Variants in CDC14A observed in about 807,000 individuals in gnomAD.
The protein encoded by CDC14A is cell division cycle 14A, also known as dual specificity protein phosphatase CDC14A.
Under a neutral mutation model 74.4 loss-of-function variants are expected in CDC14A, and 53 were observed. The observed-to-expected ratio is 0.71, with a 90% CI of 0.57 to 0.89. CDC14A has a LOEUF of 0.89. Ranked by LOEUF, CDC14A falls within the 40% of genes least tolerant of loss-of-function variation. The pLI is 0.00. For missense variants in CDC14A, 646 were observed against 713.7 expected (o/e 0.91, Z 1.08); for synonymous variants, 247 against 258.4 (o/e 0.96, Z 0.43).
chr1:100,423,975 T>C, intron 4 of CDC14A: 1 of 428,854 alleles, frequency 2.3e-6, no homozygotes. Flanking sequence ...TGTGCCTTTG[T>C]AAAGAGCCTG....
chr1:100,499,114 A>G lies in CDC14A; in HGVS notation c.1607A>G (p.Tyr536Cys). 6 of 1,614,190 alleles carry G rather than the reference A, an allele frequency of 3.7e-6. No homozygotes were observed. Among genetic ancestry groups the G allele is most frequent in the Non-Finnish European group, 4.2e-6 (5 of 1,180,016 alleles). The change falls in exon 15 of 16, where the codon TAC (tyrosine) becomes TGC (cysteine). Residue 536 changes from tyrosine to cysteine, a missense_variant. By Grantham distance (194) the Tyr-to-Cys change is radical (BLOSUM62 -2). Transcript: ENST00000336454. ...TACCCTGAGCTCAACAATAATCAGTACAACAGAAGCAGCAACAGCAACGGG... is the reference window on the plus strand; with the variant it reads ...TACCCTGAGCTCAACAATAATCAGTGCAACAGAAGCAGCAACAGCAACGGG... The part of the protein sequence containing the change: ...RNYPELNNNQ[Y>C]NRSSNSNGGN...
chr1:100,447,879 A>G (rs1253971185), intron 7 of CDC14A, among the ~76,000 whole-genome samples: 5 of 152,192 alleles, frequency 3.3e-5, no homozygotes, highest in Admixed American at 1.3e-4. Flanking sequence ...AACACCAGTG[A>G]TCATTCATGA....
At chr1:100,364,447 C>T (rs542351311) in intron 2 of CDC14A, among the ~76,000 whole-genome samples, 2 of 151,982 alleles carry the variant, frequency 1.3e-5, no homozygotes, top group East Asian at 1.9e-4. Context: ...CTCTTGACCT[C>T]GTGATCCGCC....
chr1:100,403,213 C>T (rs905878173), intron 4 of CDC14A, among the ~76,000 whole-genome samples: 1 of 152,130 alleles, frequency 6.6e-6, no homozygotes, highest in African/African-American at 2.4e-5. Context: ...TACACACACG[C>T]CATTCACATG....
chr1:100,446,924 C>T (rs1665608506), intron 7 of CDC14A, among the ~76,000 whole-genome samples: 1 of 152,164 alleles, frequency 6.6e-6, no homozygotes, highest in East Asian at 1.9e-4. Flanking sequence ...GTCTCAAACT[C>T]CTGGACTCAA....
chr1:100,428,339 T>A (rs1663201631), intron 5 of CDC14A, among the ~76,000 whole-genome samples: 1 of 152,166 alleles, frequency 6.6e-6, no homozygotes, highest in African/African-American at 2.4e-5. Context: ...TTACTGAGAA[T>A]AGCCAATGTG....
chr1:100,505,852 C>T (rs920676028), intron 15 of CDC14A, among the ~76,000 whole-genome samples: 2 of 152,256 alleles, frequency 1.3e-5, no homozygotes, highest in South Asian at 2.1e-4. Context: ...AGCATGGCAC[C>T]AACAACCTGC....
At chr1:100,436,572 C>T (rs193058637) in intron 5 of CDC14A, among the ~76,000 whole-genome samples, 1 of 152,016 alleles carries the variant, frequency 6.6e-6, no homozygotes, top group Non-Finnish European at 1.5e-5. Flanking sequence ...TTACAGGTAC[C>T]TGCCACCATG....
intron 7 of CDC14A, among the ~76,000 whole-genome samples, chr1:100,451,713 G>A (rs1329550992): frequency 1.3e-5 from 2 of 152,028 alleles, no homozygotes; most frequent in Non-Finnish European, 2.9e-5. Context: ...TTTTAGTATC[G>A]CATGTTCAAA....
At chr1:100,451,338 T>C (rs1666125793) in intron 7 of CDC14A, among the ~76,000 whole-genome samples, 4 of 152,218 alleles carry the variant, frequency 2.6e-5, no homozygotes. Flanking sequence ...CTGCTGTAGC[T>C]GATGCTAGCA....
At position 100,442,972 on chromosome 1, in the gene CDC14A, T is replaced by C; in HGVS notation, c.495T>C (p.Asp165=). The change falls in exon 7 of 16, where the codon GAT becomes GAC. Residue 165 remains aspartate (D), a synonymous_variant. Coordinates refer to ENST00000336454, the MANE Select transcript of CDC14A (RefSeq NM_003672.4). ...QHGFFDFETF[D]VDEYEHYERV... ...GATTTTTTGACTTTGAGACATTTGA[T>C]GTGGATGAATATGAACATTATGAGG... The C allele has an allele frequency of 6.3e-7, 1 of 1,599,938 alleles. No individual in the cohort carries two copies. The highest frequency in any genetic ancestry group is 2.2e-5 in the East Asian group (1 of 44,670).
rs1374066316 is a variant in CDC14A, at chr1:100,464,324, G to T, written c.838+1443G>T. On this transcript the variant is annotated intron_variant, in intron 9 of 15. Coordinates refer to ENST00000336454, the MANE Select transcript of CDC14A (RefSeq NM_003672.4). ...TGTGGGATATCTTGTCTCTGGCGTG[G>T]AGTCTGTTAGGAAGGTGTCACTTGC... Among the ~76,000 whole-genome samples the T allele has an allele frequency of 2.6e-5, 4 of 152,274 alleles. No individual in the cohort carries two copies. The South Asian group carries it at 6.2e-4, about 24-fold the overall frequency.
rs546458573 is a variant in CDC14A at position 100,364,610 on chromosome 1, C to T, written c.140+10758C>T. The stretch of plus-strand genomic sequence containing the variant: ...GTTAGCCTTTTATGTATGGGGGAAT[C>T]GCTCATCATTCTGTTTTCTAACAAA... On this transcript the variant is annotated intron_variant, in intron 2 of 15. Transcript: ENST00000336454. Among the ~76,000 whole-genome samples, 101 of 152,296 alleles carry T rather than the reference C, an allele frequency of 6.6e-4. No homozygotes were observed. In the Middle Eastern group the frequency reaches 0.014, roughly 21 times the overall value.
intron 11 of CDC14A, among the ~76,000 whole-genome samples, chr1:100,487,644 A>G (rs1670180774): frequency 6.6e-6 from 1 of 152,230 alleles, no homozygotes; most frequent in Non-Finnish European, 1.5e-5. Context: ...GGTGAAAGGA[A>G]AACAACCAGA....
At chr1:100,511,367 C>G (rs974277233) in intron 15 of CDC14A, among the ~76,000 whole-genome samples, 3 of 152,206 alleles carry the variant, frequency 2.0e-5, no homozygotes, top group Non-Finnish European at 2.9e-5. Context: ...GCCCCTCATT[C>G]TGGTGAAAGT....
At chr1:100,368,428 G>C (rs1653961396) in intron 2 of CDC14A, among the ~76,000 whole-genome samples, 1 of 152,186 alleles carries the variant, frequency 6.6e-6, no homozygotes, top group Admixed American at 6.5e-5. Flanking sequence ...ATTTCCTGGT[G>C]TTTGGTGAAA....
At chr1:100,352,003 T>TGTGCGC (rs1553167114), upstream of CDC14A, among the ~76,000 whole-genome samples, 11 of 122,792 alleles carry the variant, frequency 9.0e-5, no homozygotes, top group South Asian at 2.7e-4. Context: ...TGTGTGTGTG[T>TGTGCGC]GCGCGCGCGC....
upstream of CDC14A, among the ~76,000 whole-genome samples, chr1:100,348,441 C>A (rs542114258): frequency 1.7e-4 from 26 of 151,818 alleles, no homozygotes; most frequent in Non-Finnish European, 2.9e-4. Context: ...AAATTTAATT[C>A]TTTTATGTTT....
At chr1:100,352,342 C>T (rs1050378862), upstream of CDC14A, 2 of 493,050 alleles carry the variant, frequency 4.1e-6, no homozygotes, top group Middle Eastern at 1.0e-3. Context: ...GTAACTGGGG[C>T]TGCTGCGGAG....
Sources: gnomAD v4.1 joint callset for allele counts (sites outside exome capture counted in the v4.1 genomes callset) on GRCh38, gnomAD v4.1.1 for gene constraint, MANE v1.5 for transcripts, NCBI Gene and HGNC (gene_info 2026-07-23, HGNC 2026-07-21) for gene names.